The following AOPEP variants were observed in gnomAD, a reference collection of about 807,000 sequenced individuals.
AOPEP encodes the protein aminopeptidase O.
A neutral mutation model predicts 98.1 loss-of-function variants in AOPEP; 77 were observed. The ratio of observed to expected loss-of-function variants is 0.78; its 90% confidence interval spans 0.65 to 0.95. AOPEP has a LOEUF of 0.95. Among genes scored for constraint, AOPEP ranks in the 40% least tolerant of loss-of-function variants. The pLI, the probability that AOPEP is intolerant of heterozygous loss-of-function variation, is 0.00. For missense variants in AOPEP, 1,024 were observed against 1,024.7 expected (o/e 1.00, Z 0.01); for synonymous variants, 346 against 365.3 (o/e 0.95, Z 0.60).
At chr9:95,003,668 T>TA (rs932084000) in intron 11 of AOPEP, among the ~76,000 whole-genome samples, 2 of 152,210 alleles carry the variant, frequency 1.3e-5, no homozygotes, top group Non-Finnish European at 2.9e-5. Flanking sequence ...TCCTTTACAG[T>TA]AAAAAATTGT....
intron 5 of AOPEP, among the ~76,000 whole-genome samples, chr9:94,895,018 T>C (rs949261143): frequency 2.6e-5 from 4 of 151,954 alleles, no homozygotes; most frequent in Non-Finnish European, 4.4e-5. Context: ...CGAAGTGATA[T>C]TTCTTTAATG....
chr9:94,852,521 G>A (rs1426863332), intron 5 of AOPEP, among the ~76,000 whole-genome samples: 1 of 152,180 alleles, frequency 6.6e-6, no homozygotes, highest in Non-Finnish European at 1.5e-5. Flanking sequence ...TTGACAGTGG[G>A]ATCGGATATC....
chr9:95,065,731 G>T (rs1370896850), intron 14 of AOPEP, among the ~76,000 whole-genome samples: 4 of 152,146 alleles, frequency 2.6e-5, no homozygotes, highest in Non-Finnish European at 5.9e-5. Context: ...GATCCCAAAA[G>T]GGCAAGTTGA....
At chr9:94,915,743 A>G (rs1006965175) in intron 5 of AOPEP, among the ~76,000 whole-genome samples, 5 of 152,232 alleles carry the variant, frequency 3.3e-5, no homozygotes, top group African/African-American at 1.2e-4. Flanking sequence ...GCAAGTCAAC[A>G]GCTTCCTGAC....
chr9:95,088,727 A>T (rs1464794230), downstream of AOPEP, among the ~76,000 whole-genome samples: 1 of 152,216 alleles, frequency 6.6e-6, no homozygotes, highest in Admixed American at 6.5e-5. Context: ...GCCATGCTTT[A>T]TCTTCTTTAG....
chr9:94,812,047 C>T, intron 5 of AOPEP, among the ~76,000 whole-genome samples: 1 of 152,158 alleles, frequency 6.6e-6, no homozygotes, highest in East Asian at 1.9e-4. Context: ...TCTTCTTCAG[C>T]TTCCTTGTCC....
intron 14 of AOPEP, among the ~76,000 whole-genome samples, chr9:95,075,225 TCA>T (rs2068925017): frequency 6.6e-6 from 1 of 152,214 alleles, no homozygotes; most frequent in Non-Finnish European, 1.5e-5. Context: ...TGAATTTTAA[TCA>T]CAGTTTTAAA....
chr9:94,766,494 G>A (rs12685623), intron 2 of AOPEP, among the ~76,000 whole-genome samples: 7,688 of 152,288 alleles, frequency 0.05, 510 homozygotes, highest in African/African-American at 0.16. Flanking sequence ...CTGAGATCGC[G>A]CCACTGCACT....
chr9:95,121,893 T>C, the AOPEP span, among the ~76,000 whole-genome samples: 1 of 151,292 alleles, frequency 6.6e-6, no homozygotes, highest in Non-Finnish European at 1.5e-5. Flanking sequence ...AGTCTCGCTC[T>C]GTCGCCCAGG....
chr9:95,038,033 C>A (rs1230994415), intron 13 of AOPEP, among the ~76,000 whole-genome samples: 1 of 152,088 alleles, frequency 6.6e-6, no homozygotes, highest in African/African-American at 2.4e-5. Flanking sequence ...GCTGTCTGTC[C>A]GTCCATGCTC....
intron 1 of AOPEP, among the ~76,000 whole-genome samples, chr9:94,747,711 A>G (rs1439357188): frequency 6.6e-6 from 1 of 152,326 alleles, no homozygotes; most frequent in East Asian, 1.9e-4. Flanking sequence ...TTAACTGTTT[A>G]AGGGTACCAG....
chr9:94,783,696 A>C (rs1843775499), intron 3 of AOPEP, among the ~76,000 whole-genome samples: 1 of 152,096 alleles, frequency 6.6e-6, no homozygotes. Flanking sequence ...TATGTATATT[A>C]TATATTTAAA....
chr9:94,844,020 G>A (rs548077596), intron 5 of AOPEP, among the ~76,000 whole-genome samples: 204 of 152,194 alleles, frequency 1.3e-3, no homozygotes, highest in African/African-American at 4.8e-3. Flanking sequence ...GTCATGCCTG[G>A]CATATCATTT....
chr9:94,915,543 C>A (rs920691470), intron 5 of AOPEP, among the ~76,000 whole-genome samples: 6 of 152,214 alleles, frequency 3.9e-5, no homozygotes, highest in Non-Finnish European at 8.8e-5. Flanking sequence ...GTCCTGCTGC[C>A]TGACCAGAGT....
In AOPEP at chr9:94,752,758, C is replaced by T. The variant is rs573939993; in HGVS notation, c.-135-6891C>T. The stretch of plus-strand genomic sequence containing the variant: ...TTCTACAGTATACCTTGCTACTCCC[C>T]CATCAAAAGATGGAGTCTAATCCCC... On this transcript the variant is annotated intron_variant, in intron 1 of 16. Transcript: ENST00000375315. Among the ~76,000 whole-genome samples, 10 of 152,304 alleles carry T rather than the reference C, an allele frequency of 6.6e-5. No homozygotes were observed. In the East Asian group the frequency reaches 1.7e-3, roughly 26 times the overall value.
chr9:95,040,614 C>T (rs981629849), intron 13 of AOPEP, among the ~76,000 whole-genome samples: 1 of 152,198 alleles, frequency 6.6e-6, no homozygotes, highest in African/African-American at 2.4e-5. Flanking sequence ...ACCTTTCTCC[C>T]TCCCCTCCTC....
chr9:95,086,160 C>T (rs1342459970), intron 16 of AOPEP: 45 of 1,339,916 alleles, frequency 3.4e-5, no homozygotes, highest in Admixed American at 8.2e-5. Flanking sequence ...CTCCCACTCG[C>T]GGCAGACAGG....
At chr9:94,878,478 A>G (rs1298396147) in intron 5 of AOPEP, among the ~76,000 whole-genome samples, 1 of 151,850 alleles carries the variant, frequency 6.6e-6, no homozygotes, top group African/African-American at 2.4e-5. Flanking sequence ...GCTCTAGACC[A>G]TGAAGGATTT....
intron 11 of AOPEP, among the ~76,000 whole-genome samples, chr9:94,993,451 A>G (rs2132408771): frequency 6.6e-6 from 1 of 152,294 alleles, no homozygotes; most frequent in South Asian, 2.1e-4. Context: ...CAGAACCAGT[A>G]ATGAAATGTG....
Sources: gnomAD v4.1 joint callset for allele counts (sites outside exome capture counted in the v4.1 genomes callset) on GRCh38, gnomAD v4.1.1 for gene constraint, MANE v1.5 for transcripts, NCBI Gene and HGNC (gene_info 2026-07-23, HGNC 2026-07-21) for gene names.